Variants in HELZ observed in about 807,000 individuals in gnomAD.
The protein encoded by HELZ is ATP-dependent RNA helicase with zinc finger domain.
In HELZ, 23 loss-of-function variants were observed where a neutral mutation model predicts 218.2. The ratio of observed to expected loss-of-function variants is 0.11; its 90% CI spans 0.08 to 0.15. The LOEUF (loss-of-function observed/expected upper bound fraction) is 0.15, where lower values mean the gene tolerates loss of function less well. Ranked by LOEUF, HELZ falls within the 10% of genes least tolerant of loss-of-function variation. The pLI is 1.00. For synonymous variants in HELZ, 814 were observed against 829.4 expected (o/e 0.98, Z 0.32); for missense variants, 1,813 against 2,353.7 (o/e 0.77, Z 4.75).
At chr17:67,122,389 CA>C (rs964154123) in intron 26 of HELZ, among the ~76,000 whole-genome samples, 1 of 152,054 alleles carries the variant, frequency 6.6e-6, no homozygotes, top group South Asian at 2.1e-4. Context: ...ACTAAAAATA[CA>C]AAAAAATTAG....
chr17:67,137,485 G>A (rs996978939), intron 22 of HELZ, among the ~76,000 whole-genome samples: 2 of 152,264 alleles, frequency 1.3e-5, no homozygotes, highest in South Asian at 4.2e-4. Context: ...GTTCACATCA[G>A]AGTGTTGCTT....
At chr17:67,092,793 C>T (rs1175680558) in intron 31 of HELZ, among the ~76,000 whole-genome samples, 1 of 151,896 alleles carries the variant, frequency 6.6e-6, no homozygotes, top group Non-Finnish European at 1.5e-5. Context: ...GGTGAAACCC[C>T]ATCTCTACTA....
chr17:67,242,528 AC>A (rs2041349631), intron 2 of HELZ, among the ~76,000 whole-genome samples: 1 of 1,870 alleles, frequency 5.3e-4, no homozygotes, highest in African/African-American at 1.8e-3. Flanking sequence ...ATATATACAC[AC>A]ATATATGTAT....
At chr17:67,199,738 T>G (rs1192365025) in intron 7 of HELZ, among the ~76,000 whole-genome samples, 1 of 152,232 alleles carries the variant, frequency 6.6e-6, no homozygotes, top group African/African-American at 2.4e-5. Flanking sequence ...CCTTCTTTGC[T>G]GTTTTTTGGT....
At chr17:67,127,946 G>GA (rs928415129) in intron 24 of HELZ, among the ~76,000 whole-genome samples, 2 of 151,526 alleles carry the variant, frequency 1.3e-5, no homozygotes, top group South Asian at 2.1e-4. Flanking sequence ...AAATATCAAA[G>GA]AAAAAAAACA....
Position 67,151,028 on chromosome 17 carries a change from T to C in HELZ, c.2356+18A>G. ...CATAAGCCCTAAACTTGTGAGACTG[T>C]GTCTTGAGTCAGCATACCAGGTTCA... On this transcript the variant is annotated intron_variant, in intron 18 of 32. Transcript: ENST00000358691. 6.2e-7 allele frequency: 1 copy of C among 1,609,872 alleles called. No individual in the cohort carries two copies. Among genetic ancestry groups the C allele is most frequent in the Non-Finnish European group, 8.5e-7 (1 of 1,176,794 alleles).
chr17:67,245,352 C>T, upstream of HELZ: 7 of 708,330 alleles, frequency 9.9e-6, no homozygotes, highest in Non-Finnish European at 1.2e-5. Context: ...TGGCCCCTTC[C>T]CCTCCCCCGG....
rs147919608 is a variant in HELZ, at chr17:67,204,993, C to T, written c.248-1550G>A. ...TGTGGCCATCTGTAAAACAGAAACACGTATAAATTTGCCATTAAAGATTAA... is the reference window on the plus strand; with the variant it reads ...TGTGGCCATCTGTAAAACAGAAACATGTATAAATTTGCCATTAAAGATTAA... On this transcript the variant is annotated intron_variant, in intron 5 of 32. Transcript: ENST00000358691. 1.6e-3 allele frequency among the ~76,000 whole-genome samples: 244 copies of T among 152,172 alleles called. 1 individual carries two copies. Among genetic ancestry groups the T allele is most frequent in the African/African-American group, 5.7e-3 (235 of 41,528 alleles).
At chr17:67,191,296 CAG>C (rs1413335495) in intron 9 of HELZ, among the ~76,000 whole-genome samples, 1 of 152,012 alleles carries the variant, frequency 6.6e-6, no homozygotes, top group Non-Finnish European at 1.5e-5. Flanking sequence ...TTTTATATTA[CAG>C]AGTCACAAAT....
At chr17:67,154,426 C>G (rs1417203888) in intron 17 of HELZ, among the ~76,000 whole-genome samples, 3 of 151,618 alleles carry the variant, frequency 2.0e-5, no homozygotes, top group Non-Finnish European at 2.9e-5. Context: ...GAGACTCTGT[C>G]TTAAAAAAAA....
At chr17:67,218,848 G>C in intron 3 of HELZ, 26 bp from the exon 4 acceptor site, 1 of 1,547,298 alleles carries the variant, frequency 6.5e-7, no homozygotes, top group Non-Finnish European at 8.9e-7. Context: ...AAGAACAAGA[G>C]AAGGTTTTTT....
intron 3 of HELZ, among the ~76,000 whole-genome samples, chr17:67,233,169 A>G (rs2041082997): frequency 6.6e-6 from 1 of 152,202 alleles, no homozygotes; most frequent in Admixed American, 6.5e-5. Flanking sequence ...CCTGGCCAAC[A>G]TGGTGAAACC....
intron 5 of HELZ, among the ~76,000 whole-genome samples, chr17:67,209,160 C>G (rs1351156614): frequency 6.7e-6 from 1 of 150,334 alleles, no homozygotes; most frequent in African/African-American, 2.4e-5. Flanking sequence ...AGCTTAAATA[C>G]TGAAATTCTT....
In HELZ at chr17:67,243,894, T is replaced by TAGCAAACATTTTATCAGC. The variant is rs539173672; in HGVS notation, c.-131-73_-131-56dup. On this transcript the variant is annotated intron_variant, in intron 1 of 32. Transcript: ENST00000358691. ...CAACACCAGTAACAGACATTATCAG[T>TAGCAAACATTTTATCAGC]AGCAAACATTTTATCAGCCTGAAGT... 89 of 587,138 alleles carry TAGCAAACATTTTATCAGC rather than the reference T, an allele frequency of 1.5e-4. No individual in the cohort carries two copies. The African/African-American group carries it at 1.8e-3, about 12-fold the overall frequency. The allele number at this position is 587,138 out of a possible 1,614,324, so 36.4% of individuals were successfully genotyped here. A position where few individuals can be genotyped will look rare whatever the true frequency, so the allele number is the denominator to read the frequency against.
At chr17:67,245,283 G>C, upstream of HELZ, 2 of 932,736 alleles carry the variant, frequency 2.1e-6, no homozygotes, top group South Asian at 9.5e-5. Context: ...GCCCCCTCCG[G>C]CCGCGCCTCC....
chr17:67,087,967 G>A (rs1454533547), intron 31 of HELZ, among the ~76,000 whole-genome samples: 1 of 152,168 alleles, frequency 6.6e-6, no homozygotes, highest in African/African-American at 2.4e-5. Flanking sequence ...GACTGTCTGG[G>A]TTAGACTTCA....
chr17:67,138,096 G>T lies in HELZ; in HGVS notation c.2788C>A (p.Arg930Ser), dbSNP rs1054831977. The change falls in exon 22 of 33, where the codon CGT (arginine) becomes AGT (serine). Residue 930 changes from arginine (R) to serine (S), a missense_variant. Arg to Ser is a moderately radical substitution (Grantham distance 110). Coordinates refer to ENST00000358691, the MANE Select transcript of HELZ (RefSeq NM_014877.4). ...CACTTCCTTCTTAACTCTTCTACAC[G>T]TTCCACCACTTCAAACACCTTTAAA... ...NNAEVFEVVE[R>S]VEELRRKWPV... 6.2e-7 allele frequency: 1 copy of T among 1,608,748 alleles called. No individual in the cohort carries two copies. The highest frequency in any genetic ancestry group is 8.5e-7 in the Non-Finnish European group (1 of 1,177,184).
At chr17:67,109,069 T>G in intron 29 of HELZ, 47 bp downstream of exon 29, 6 of 1,404,096 alleles carry the variant, frequency 4.3e-6, no homozygotes, top group Non-Finnish European at 4.9e-6. Flanking sequence ...GTCCAAGTCA[T>G]GTTAAGTAAT....
In HELZ at chr17:67,235,096, T is replaced by TG. The variant is rs138039075; in HGVS notation, c.-19+4336dup. Among the ~76,000 whole-genome samples the TG allele has an allele frequency of 2.2e-3, 332 of 152,320 alleles. 1 individual carries two copies. Among genetic ancestry groups the TG allele is most frequent in the African/African-American group, 7.5e-3 (311 of 41,566 alleles). ...AACGGAACAATGTTTCCTTCATGTT[T>TG]GGATCCCTCAGAACAGAGCTTCTCA... On this transcript the variant is annotated intron_variant, in intron 3 of 32. Transcript: ENST00000358691.
Sources: allele counts gnomAD v4.1 joint callset (sites outside exome capture counted in the v4.1 genomes callset), GRCh38; gene constraint gnomAD v4.1.1; transcripts MANE v1.5; gene names NCBI Gene and HGNC (gene_info 2026-07-23, HGNC 2026-07-21).